NDUFAF2: variants seen among roughly 807,000 people sequenced by gnomAD.
NDUFAF2 encodes the protein NADH dehydrogenase [ubiquinone] 1 alpha subcomplex assembly factor 2.
A neutral mutation model predicts 22.8 loss-of-function variants in NDUFAF2; 13 were observed. The ratio of observed to expected loss-of-function variants is 0.57; its 90% CI spans 0.37 to 0.91. The LOEUF (loss-of-function observed/expected upper bound fraction) is 0.91, where lower values mean the gene tolerates loss of function less well. NDUFAF2 is among the 40% of genes least tolerant of loss of function. The probability of loss-of-function intolerance (pLI) is 0.01; values close to 1 mark genes in which losing one functional copy is unlikely to be tolerated. For missense variants in NDUFAF2, 162 were observed against 195.2 expected (o/e 0.83, Z 1.01); for synonymous variants, 53 against 64.2 (o/e 0.83, Z 0.84).
intron 2 of NDUFAF2, among the ~76,000 whole-genome samples, chr5:61,080,310 G>T (rs1007074218): frequency 6.6e-6 from 1 of 152,140 alleles, no homozygotes; most frequent in African/African-American, 2.4e-5. Flanking sequence ...CCTTGGGCAG[G>T]ATTGGTAGGT....
intron 1 of NDUFAF2, among the ~76,000 whole-genome samples, chr5:60,961,715 G>A (rs1390532385): frequency 2.7e-5 from 4 of 149,842 alleles, no homozygotes; most frequent in Non-Finnish European, 5.9e-5. Flanking sequence ...GCAGTGAGCC[G>A]AGATTGTGCC....
intron 1 of NDUFAF2, among the ~76,000 whole-genome samples, chr5:60,951,299 G>A (rs1750544778): frequency 6.6e-6 from 1 of 152,134 alleles, no homozygotes; most frequent in Admixed American, 6.5e-5. Flanking sequence ...CCAAAGTGCT[G>A]GGATTACAGG....
chr5:60,982,692 T>A (rs1378693417), intron 1 of NDUFAF2, among the ~76,000 whole-genome samples: 1 of 151,762 alleles, frequency 6.6e-6, no homozygotes, highest in African/African-American at 2.4e-5. Flanking sequence ...GAATGATGGT[T>A]TCCAGCTTCG....
chr5:61,118,217 C>T (rs953057678), intron 3 of NDUFAF2, among the ~76,000 whole-genome samples: 1 of 152,128 alleles, frequency 6.6e-6, no homozygotes, highest in Non-Finnish European at 1.5e-5. Flanking sequence ...TTAAAAATCT[C>T]CCGGGCACCA....
intron 1 of NDUFAF2, among the ~76,000 whole-genome samples, chr5:60,965,234 C>T (rs1014968439): frequency 2.0e-5 from 3 of 152,040 alleles, no homozygotes; most frequent in Admixed American, 2.0e-4. Context: ...CATAATTTTC[C>T]TCCGACTTTA....
chr5:61,022,792 A>G (rs1190643867), intron 1 of NDUFAF2, among the ~76,000 whole-genome samples: 1 of 151,948 alleles, frequency 6.6e-6, no homozygotes, highest in Non-Finnish European at 1.5e-5. Context: ...TTACAGGCGC[A>G]TGCCACCACA....
chr5:61,130,307 G>A (rs1217702571), intron 3 of NDUFAF2, among the ~76,000 whole-genome samples: 1 of 152,024 alleles, frequency 6.6e-6, no homozygotes, highest in African/African-American at 2.4e-5. Flanking sequence ...CCAACTTTTG[G>A]GGTGCTCTGG....
intron 3 of NDUFAF2, among the ~76,000 whole-genome samples, chr5:61,136,056 CT>C (rs1484614027): frequency 9.5e-6 from 1 of 105,494 alleles, no homozygotes; most frequent in Admixed American, 9.1e-5. Context: ...GGGTGGATTG[CT>C]TTTTTTCTCA....
rs1291472605 is a variant in NDUFAF2 at position 61,104,224 on chromosome 5, G to T, written c.258+5192G>T. On this transcript the variant is annotated intron_variant, in intron 3 of 3. Coordinates refer to ENST00000296597, the MANE Select transcript of NDUFAF2 (RefSeq NM_174889.5). ...ATTCACATTTCACAGAGCTAATGAG[G>T]TAGACTTTTCCTAGTCCTAACTCTA... is the stretch of plus-strand genomic sequence containing the variant. 2.6e-5 allele frequency among the ~76,000 whole-genome samples: 4 copies of T among 152,126 alleles called. No individual in the cohort carries two copies. In the South Asian group the frequency reaches 8.3e-4, roughly 32 times the overall value.
chr5:61,103,248 G>C (rs295563), intron 3 of NDUFAF2, among the ~76,000 whole-genome samples: 94,992 of 151,782 alleles, frequency 0.63, 30,549 homozygotes, highest in East Asian at 0.94. Flanking sequence ...CTACTCTTCT[G>C]TACCCTACTC....
At chr5:61,146,875 T>C (rs1741147152) in intron 3 of NDUFAF2, among the ~76,000 whole-genome samples, 1 of 152,236 alleles carries the variant, frequency 6.6e-6, no homozygotes, top group Non-Finnish European at 1.5e-5. Flanking sequence ...CATTGTCTTA[T>C]ATTCAGATTC....
chr5:60,979,294 G>A (rs1256832492), intron 1 of NDUFAF2, among the ~76,000 whole-genome samples: 1 of 152,108 alleles, frequency 6.6e-6, no homozygotes, highest in Non-Finnish European at 1.5e-5. Flanking sequence ...AGACTAAGGG[G>A]ATTTTGTTTT....
chr5:61,101,443 C>T (rs1340414660), intron 3 of NDUFAF2, among the ~76,000 whole-genome samples: 1 of 152,042 alleles, frequency 6.6e-6, no homozygotes. Flanking sequence ...TCAGTCTATC[C>T]TCTTCCATTT....
chr5:61,137,415 AATAC>A (rs1740981226), intron 3 of NDUFAF2, among the ~76,000 whole-genome samples: 1 of 152,266 alleles, frequency 6.6e-6, no homozygotes, highest in Admixed American at 6.5e-5. Context: ...CATATAAACA[AATAC>A]ATAAATAATA....
intron 1 of NDUFAF2, among the ~76,000 whole-genome samples, chr5:61,029,877 C>T (rs1310021045): frequency 1.3e-5 from 2 of 152,124 alleles, no homozygotes; most frequent in Non-Finnish European, 2.9e-5. Context: ...TCACAGTCAC[C>T]CGTTCCAGAG....
intron 1 of NDUFAF2, among the ~76,000 whole-genome samples, chr5:61,051,745 G>A (rs34641): frequency 0.14 from 21,247 of 152,160 alleles, 1,838 homozygotes; most frequent in South Asian, 0.27. Context: ...CTTCCAGAAA[G>A]GATGTAAGAT....
chr5:61,008,152 T>G, intron 1 of NDUFAF2, among the ~76,000 whole-genome samples: 3 of 77,990 alleles, frequency 3.8e-5, no homozygotes, highest in East Asian at 4.5e-4. Context: ...GGGACTGTTG[T>G]GGGGTGGGGG....
At chr5:61,015,809 A>C (rs952040759) in intron 1 of NDUFAF2, among the ~76,000 whole-genome samples, 1 of 152,218 alleles carries the variant, frequency 6.6e-6, no homozygotes, top group Non-Finnish European at 1.5e-5. Flanking sequence ...TACAGATTAT[A>C]TATAGTTTCC....
intron 2 of NDUFAF2, among the ~76,000 whole-genome samples, chr5:61,078,158 C>CTA (rs1752392840): frequency 6.6e-6 from 1 of 152,084 alleles, no homozygotes; most frequent in African/African-American, 2.4e-5. Flanking sequence ...ATTTAACACA[C>CTA]TATAGGGGGT....
Sources: gnomAD v4.1 joint callset for allele counts (sites outside exome capture counted in the v4.1 genomes callset) on GRCh38, gnomAD v4.1.1 for gene constraint, MANE v1.5 for transcripts, NCBI Gene and HGNC (gene_info 2026-07-23, HGNC 2026-07-21) for gene names.